BICC1: variants seen among roughly 807,000 people sequenced by gnomAD.
BICC1 encodes BicC family RNA binding protein 1, also known as protein bicaudal C homolog 1.
In BICC1, 43 loss-of-function variants were observed where a neutral mutation model predicts 111.0. The ratio of observed to expected loss-of-function variants is 0.39; its 90% confidence interval spans 0.30 to 0.50. The LOEUF is 0.50. Ranked by LOEUF, BICC1 falls within the 20% of genes least tolerant of loss-of-function variation. The probability of loss-of-function intolerance (pLI) is 0.88; values close to 1 mark genes in which losing one functional copy is unlikely to be tolerated. For missense variants in BICC1, 1,091 were observed against 1,203.2 expected, an observed-to-expected ratio of 0.91 and a Z score of 1.38; for synonymous variants, 467 against 434.4, an observed-to-expected ratio of 1.07 and a Z score of -0.93.
At chr10:58,708,269 C>G (rs10740759) in intron 3 of BICC1, among the ~76,000 whole-genome samples, 149,568 of 150,362 alleles carry the variant, frequency 0.99, 74,388 homozygotes, top group South Asian at 1. Flanking sequence ...TGGGATTACA[C>G]GTGTGAGCCA....
At chr10:58,667,127 A>G (rs61262944) in intron 2 of BICC1, among the ~76,000 whole-genome samples, 2,492 of 152,140 alleles carry the variant, frequency 0.016, 79 homozygotes, top group African/African-American at 0.057. Context: ...ATTTCATTTT[A>G]TTTTCAAACT....
At chr10:58,715,575 G>T (rs1219775040) in intron 3 of BICC1, 5 of 1,580,514 alleles carry the variant, frequency 3.2e-6, no homozygotes, top group Non-Finnish European at 4.3e-6. Flanking sequence ...GGACAATCGG[G>T]TGGCCTATAT....
chr10:58,640,112 T>A (rs1211356916), intron 2 of BICC1, among the ~76,000 whole-genome samples: 1 of 152,154 alleles, frequency 6.6e-6, no homozygotes, highest in African/African-American at 2.4e-5. Context: ...TTTATTCTTT[T>A]TTTTCTGATG....
chr10:58,748,916 C>G (rs1266600446), intron 3 of BICC1, among the ~76,000 whole-genome samples: 1 of 152,088 alleles, frequency 6.6e-6, no homozygotes, highest in African/African-American at 2.4e-5. Flanking sequence ...TCCAGTTTCT[C>G]CATTATTTTT....
At chr10:58,680,138 C>T (rs1175937434) in intron 2 of BICC1, among the ~76,000 whole-genome samples, 1 of 152,196 alleles carries the variant, frequency 6.6e-6, no homozygotes, top group Non-Finnish European at 1.5e-5. Flanking sequence ...CAAGGATGCC[C>T]TTCGTCACCA....
At chr10:58,784,623 A>T (rs1438383031) in intron 3 of BICC1, among the ~76,000 whole-genome samples, 1 of 152,168 alleles carries the variant, frequency 6.6e-6, no homozygotes, top group Non-Finnish European at 1.5e-5. Flanking sequence ...AAGTGAATTG[A>T]TGCACTTCAA....
intron 2 of BICC1, among the ~76,000 whole-genome samples, chr10:58,692,708 GTCATAC>G (rs148050761): frequency 0.016 from 2,404 of 152,194 alleles, 57 homozygotes; most frequent in African/African-American, 0.055. Context: ...TTAGGGAATT[GTCATAC>G]TCAGGAGTCT....
At position 58,807,044 on chromosome 10, in the gene BICC1, C is replaced by A; in HGVS notation, c.2262C>A (p.Pro754=). ...KKPVVTEVRT[P]TNTWSGLGFS... ...CAGTGGTGACGGAGGTCAGAACGCC[C>A]ACAAATACCTGGAGTGGCCTGGGTT... is the stretch of plus-strand genomic sequence containing the variant. Residue 754 remains proline, a synonymous_variant, in exon 17 of 21, where the codon CCC becomes CCA. Transcript: ENST00000373886. 6.2e-7 allele frequency: 1 copy of A among 1,613,752 alleles called. No homozygotes were observed. Among genetic ancestry groups the A allele is most frequent in the South Asian group, 1.1e-5 (1 of 91,046 alleles).
intron 3 of BICC1, among the ~76,000 whole-genome samples, chr10:58,743,826 AAATGGTT>A (rs1841747615): frequency 6.6e-6 from 1 of 151,966 alleles, no homozygotes; most frequent in Non-Finnish European, 1.5e-5. Context: ...TTAAAAATAA[AAATGGTT>A]ACTGCAGGTT....
intron 1 of BICC1, among the ~76,000 whole-genome samples, chr10:58,578,689 C>T (rs1844180702): frequency 6.6e-6 from 1 of 152,120 alleles, no homozygotes; most frequent in Admixed American, 6.5e-5. Flanking sequence ...TGGAGGTAAA[C>T]AGCTTCTGGC....
chr10:58,735,957 G>A (rs1310022495), intron 3 of BICC1, among the ~76,000 whole-genome samples: 2 of 152,198 alleles, frequency 1.3e-5, no homozygotes, highest in Non-Finnish European at 2.9e-5. Context: ...AATTGCAGGA[G>A]TTTCCCTTGA....
intron 20 of BICC1, among the ~76,000 whole-genome samples, chr10:58,825,991 T>TA (rs532550154): frequency 0.011 from 1,651 of 145,120 alleles, 28 homozygotes; most frequent in African/African-American, 0.037. Context: ...AACTATTGTT[T>TA]AAAAAAAAAA....
At chr10:58,691,227 A>G (rs1278995856) in intron 2 of BICC1, among the ~76,000 whole-genome samples, 1 of 152,144 alleles carries the variant, frequency 6.6e-6, no homozygotes, top group Non-Finnish European at 1.5e-5. Flanking sequence ...TGTGCTTTAC[A>G]GTAGATCTCT....
chr10:58,581,217 C>T lies in BICC1; in HGVS notation c.191-39638C>T, dbSNP rs1378753024. On this transcript the variant is annotated intron_variant, in intron 1 of 20. Coordinates refer to ENST00000373886, the MANE Select transcript of BICC1 (RefSeq NM_001080512.3). ...TCCTGAAGGAATTATATGTTGAGGCCTCTTTTTAAAAGTGTTAACTATTTT... is the reference window on the plus strand; with the variant it reads ...TCCTGAAGGAATTATATGTTGAGGCTTCTTTTTAAAAGTGTTAACTATTTT... Among the ~76,000 whole-genome samples the T allele has an allele frequency of 3.3e-5, 5 of 151,982 alleles. No homozygotes were observed. The South Asian group carries it at 1.0e-3, about 32-fold the overall frequency.
chr10:58,816,942 C>G (rs1363189049), intron 18 of BICC1, among the ~76,000 whole-genome samples: 1 of 152,014 alleles, frequency 6.6e-6, no homozygotes. Context: ...AAAGTTTTCC[C>G]CAGAGACAGA....
chr10:58,513,402 G>A, intron 1 of BICC1, 69 bp downstream of exon 1: 1 of 1,381,142 alleles, frequency 7.2e-7, no homozygotes, highest in Non-Finnish European at 9.6e-7. Flanking sequence ...TCCCCACCGC[G>A]CGCTCCGGCG....
chr10:58,611,087 A>G (rs1484780422), intron 1 of BICC1, among the ~76,000 whole-genome samples: 1 of 152,234 alleles, frequency 6.6e-6, no homozygotes, highest in East Asian at 1.9e-4. Context: ...TGATTTTCGT[A>G]CTTTTGCCAA....
At chr10:58,742,667 ACCT>A (rs1841708158) in intron 3 of BICC1, among the ~76,000 whole-genome samples, 1 of 151,774 alleles carries the variant, frequency 6.6e-6, no homozygotes, top group Non-Finnish European at 1.5e-5. Flanking sequence ...TGAACTCCTG[ACCT>A]CAAGTGATCT....
chr10:58,783,419 A>T (rs12571534), intron 3 of BICC1, among the ~76,000 whole-genome samples: 1 of 151,508 alleles, frequency 6.6e-6, no homozygotes. Flanking sequence ...CAATTGCCCA[A>T]TTGCAACATA....
Sources: gnomAD v4.1 joint callset for allele counts (sites outside exome capture counted in the v4.1 genomes callset) on GRCh38, gnomAD v4.1.1 for gene constraint, MANE v1.5 for transcripts, NCBI Gene and HGNC (gene_info 2026-07-23, HGNC 2026-07-21) for gene names.